ASTN2: variants seen among roughly 807,000 people sequenced by gnomAD.
ASTN2 encodes the protein astrotactin 2.
A neutral mutation model predicts 139.8 loss-of-function variants in ASTN2; 54 were observed. That is an observed-to-expected ratio of 0.39 (90% CI 0.31 to 0.48). The LOEUF (loss-of-function observed/expected upper bound fraction) is 0.48, where lower values mean the gene tolerates loss of function less well. Ranked by LOEUF, ASTN2 falls within the 20% of genes least tolerant of loss-of-function variation. The pLI, the probability that ASTN2 is intolerant of heterozygous loss-of-function variation, is 0.95. For missense variants in ASTN2, 1,565 were observed against 1,725.1 expected (o/e 0.91, Z 1.64); for synonymous variants, 756 against 719.5 (o/e 1.05, Z -0.81).
intron 11 of ASTN2, among the ~76,000 whole-genome samples, chr9:116,840,827 G>A (rs151155355): frequency 0.23 from 34,034 of 150,198 alleles, 4,500 homozygotes; most frequent in Admixed American, 0.29. Flanking sequence ...GATGGTGGCC[G>A]GGAAGAGGCG....
chr9:116,838,175 T>C (rs1046422589), intron 11 of ASTN2, among the ~76,000 whole-genome samples: 3 of 147,400 alleles, frequency 2.0e-5, no homozygotes, highest in Non-Finnish European at 4.4e-5. Context: ...AGTGGTGCAA[T>C]CTCGGCTCAC....
intron 1 of ASTN2, among the ~76,000 whole-genome samples, chr9:117,400,876 A>G (rs1470297054): frequency 6.6e-6 from 1 of 152,112 alleles, no homozygotes; most frequent in Non-Finnish European, 1.5e-5. Context: ...CACGATTCCT[A>G]GTTCTAGTCC....
intron 19 of ASTN2, chr9:116,578,815 T>C (rs1564130287): frequency 6.6e-6 from 1 of 152,182 alleles, no homozygotes. Context: ...TAATACATTC[T>C]TGGATAAAGT....
intron 1 of ASTN2, among the ~76,000 whole-genome samples, chr9:117,398,845 G>A (rs1280103653): frequency 2.0e-5 from 3 of 152,166 alleles, no homozygotes; most frequent in Admixed American, 6.5e-5. Context: ...GCAGTGGCAC[G>A]ATCTTGGCTC....
chr9:117,025,133 G>A (rs1048529051), intron 6 of ASTN2, among the ~76,000 whole-genome samples: 1 of 152,104 alleles, frequency 6.6e-6, no homozygotes, highest in Non-Finnish European at 1.5e-5. Context: ...GCGGCAAAGG[G>A]ATTTAGGCAA....
At chr9:117,231,500 CTGATA>C (rs890306582) in intron 2 of ASTN2, among the ~76,000 whole-genome samples, 5 of 152,272 alleles carry the variant, frequency 3.3e-5, no homozygotes, top group East Asian at 1.9e-4. Context: ...GCAAATCTAT[CTGATA>C]TAATTGTAAA....
intron 6 of ASTN2, among the ~76,000 whole-genome samples, chr9:117,021,663 C>T (rs1837884441): frequency 6.6e-6 from 1 of 152,088 alleles, no homozygotes; most frequent in South Asian, 2.1e-4. Context: ...CACGTTCTGG[C>T]CATGCCACTA....
chr9:116,435,661 G>A (rs1847627635), intron 22 of ASTN2, among the ~76,000 whole-genome samples: 11 of 152,162 alleles, frequency 7.2e-5, no homozygotes, highest in Admixed American at 7.2e-4. Context: ...TCCACCTGGA[G>A]GACCCTTCTT....
At position 117,123,427 on chromosome 9, in the gene ASTN2, T is replaced by C. The variant is rs190706261; in HGVS notation, c.1168+17899A>G. Among the ~76,000 whole-genome samples, 854 of 152,198 alleles carry C rather than the reference T, an allele frequency of 5.6e-3. 8 individuals are homozygous for C. The highest frequency in any genetic ancestry group is 0.019 in the African/African-American group (792 of 41,524). ...ATCTATTTGACATTAGACAAGTGGGTCTTGCCTCGTGAGCCAAAATTTTCT... is the reference window on the plus strand; with the variant it reads ...ATCTATTTGACATTAGACAAGTGGGCCTTGCCTCGTGAGCCAAAATTTTCT... On this transcript the variant is annotated intron_variant, in intron 4 of 22. Coordinates refer to ENST00000313400, the MANE Select transcript of ASTN2 (RefSeq NM_001365068.1).
intron 20 of ASTN2, among the ~76,000 whole-genome samples, chr9:116,465,880 T>G (rs1452126083): frequency 6.6e-6 from 1 of 152,080 alleles, no homozygotes; most frequent in Non-Finnish European, 1.5e-5. Context: ...TAGGAGAAAA[T>G]AAAGAGCTCT....
At chr9:116,779,027 C>T (rs919969910) in intron 13 of ASTN2, among the ~76,000 whole-genome samples, 8 of 152,184 alleles carry the variant, frequency 5.3e-5, no homozygotes, top group Non-Finnish European at 1.0e-4. Context: ...AGCAATTACA[C>T]TTTAAACTTG....
At chr9:116,537,972 G>C (rs1323670671) in intron 19 of ASTN2, among the ~76,000 whole-genome samples, 1 of 152,164 alleles carries the variant, frequency 6.6e-6, no homozygotes, top group Non-Finnish European at 1.5e-5. Flanking sequence ...TGGAGGCTCA[G>C]AGAGGCTTAA....
chr9:117,243,983 G>A (rs1027572300), intron 2 of ASTN2, among the ~76,000 whole-genome samples: 3 of 152,156 alleles, frequency 2.0e-5, no homozygotes, highest in African/African-American at 7.2e-5. Context: ...CTGGTAGGAT[G>A]TGAATCATGG....
At chr9:116,878,389 T>TG (rs1658886950) in intron 10 of ASTN2, among the ~76,000 whole-genome samples, 1 of 152,188 alleles carries the variant, frequency 6.6e-6, no homozygotes, top group Non-Finnish European at 1.5e-5. Flanking sequence ...AGGAAGGTCA[T>TG]GTCCTTTGCA....
intron 13 of ASTN2, among the ~76,000 whole-genome samples, chr9:116,802,295 C>T (rs1830884827): frequency 6.6e-6 from 1 of 151,972 alleles, no homozygotes; most frequent in Non-Finnish European, 1.5e-5. Context: ...ATCATGTTAG[C>T]CAGGATGGTC....
chr9:116,782,957 G>A (rs118045068), intron 13 of ASTN2, among the ~76,000 whole-genome samples: 1,558 of 152,230 alleles, frequency 0.01, 13 homozygotes, highest in East Asian at 0.066. Flanking sequence ...TTTTGTTAGT[G>A]TATGAGTTCA....
intron 5 of ASTN2, among the ~76,000 whole-genome samples, chr9:117,085,610 T>C (rs1398400754): frequency 1.3e-5 from 2 of 152,196 alleles, no homozygotes; most frequent in African/African-American, 4.8e-5. Context: ...CTACGGATGC[T>C]GCCTTTTGTC....
At chr9:116,930,592 G>C (rs189273215) in intron 10 of ASTN2, among the ~76,000 whole-genome samples, 4 of 152,280 alleles carry the variant, frequency 2.6e-5, no homozygotes, top group Non-Finnish European at 5.9e-5. Flanking sequence ...CATTCAGCAA[G>C]ACTCGGGGTG....
intron 5 of ASTN2, among the ~76,000 whole-genome samples, chr9:117,090,155 A>G (rs1160183293): frequency 6.6e-6 from 1 of 152,256 alleles, no homozygotes; most frequent in Non-Finnish European, 1.5e-5. Context: ...ATGTCCATTC[A>G]TCTATGTGTT....
Sources: allele counts gnomAD v4.1 joint callset (sites outside exome capture counted in the v4.1 genomes callset), GRCh38; gene constraint gnomAD v4.1.1; transcripts MANE v1.5; gene names NCBI Gene and HGNC (gene_info 2026-07-23, HGNC 2026-07-21).